Variants in SLC12A6 observed in about 807,000 individuals in gnomAD.
The protein encoded by SLC12A6 is K-Cl cotransporter 3.
Under a neutral mutation model 135.3 loss-of-function variants are expected in SLC12A6, and 66 were observed. That is an observed-to-expected ratio of 0.49 (90% confidence interval 0.40 to 0.60). The LOEUF (loss-of-function observed/expected upper bound fraction) is 0.60. Among genes scored for constraint, SLC12A6 ranks in the 20% least tolerant of loss-of-function variants. The pLI, the probability that SLC12A6 is intolerant of heterozygous loss-of-function variation, is 0.00. For synonymous variants in SLC12A6, 513 were observed against 508.8 expected (o/e 1.01, Z -0.11); for missense variants, 1,058 against 1,452.3 (o/e 0.73, Z 4.41).
intron 2 of SLC12A6, among the ~76,000 whole-genome samples, chr15:34,323,518 T>C (rs967699193): frequency 2.0e-5 from 3 of 152,214 alleles, no homozygotes; most frequent in Non-Finnish European, 2.9e-5. Context: ...GTGCTCCTTA[T>C]GAGAATCTAA....
chr15:34,307,887 C>A (rs1887844360), intron 2 of SLC12A6, among the ~76,000 whole-genome samples: 1 of 152,054 alleles, frequency 6.6e-6, no homozygotes, highest in South Asian at 2.1e-4. Flanking sequence ...TCTTCTGTCA[C>A]AAAAGGTTAC....
chr15:34,315,750 CT>C (rs894664423), intron 2 of SLC12A6, among the ~76,000 whole-genome samples: 6 of 152,088 alleles, frequency 3.9e-5, no homozygotes, highest in Non-Finnish European at 5.9e-5. Flanking sequence ...CTTTTGGAGA[CT>C]GAGGCGGGCG....
At chr15:34,317,359 A>G (rs1413979677) in intron 2 of SLC12A6, among the ~76,000 whole-genome samples, 1 of 152,236 alleles carries the variant, frequency 6.6e-6, no homozygotes, top group Non-Finnish European at 1.5e-5. Context: ...AGGAATTGCA[A>G]TGTGTTACAT....
In SLC12A6 at chr15:34,252,496, G is replaced by A. The variant is rs981369636; in HGVS notation, c.1119-112C>T. ...AACCCCATCTTTAAGAGCTTCTACTGTTATGGGTGGGAAAGGAACTAATGT... is the reference window on the plus strand; with the variant it reads ...AACCCCATCTTTAAGAGCTTCTACTATTATGGGTGGGAAAGGAACTAATGT... On this transcript the variant is annotated intron_variant, in intron 9 of 25. Coordinates refer to ENST00000354181, the MANE Select transcript of SLC12A6 (RefSeq NM_001365088.1). 176 of 686,802 alleles carry A rather than the reference G, an allele frequency of 2.6e-4. No individual in the cohort carries two copies. The East Asian group carries it at 4.4e-3, about 17-fold the overall frequency. The allele number at this position is 686,802 out of a possible 1,614,324, so 42.5% of individuals were successfully genotyped here.
intron 2 of SLC12A6, among the ~76,000 whole-genome samples, chr15:34,323,252 G>A (rs183862481): frequency 5.1e-4 from 76 of 149,568 alleles, no homozygotes; most frequent in African/African-American, 1.5e-3. Context: ...ACTAAAAACC[G>A]CTGAAACAGT....
chr15:34,290,952 C>T (rs1304755701), intron 2 of SLC12A6, among the ~76,000 whole-genome samples: 3 of 152,142 alleles, frequency 2.0e-5, no homozygotes, highest in Non-Finnish European at 4.4e-5. Context: ...CAGTCTGTGT[C>T]TTTTAATTGG....
chr15:34,316,638 A>T (rs1888670606), intron 2 of SLC12A6, among the ~76,000 whole-genome samples: 1 of 152,218 alleles, frequency 6.6e-6, no homozygotes, highest in African/African-American at 2.4e-5. Context: ...GTTAAAAGCA[A>T]TTACTATGGA....
chr15:34,246,482 CTA>C (rs1891998739), intron 13 of SLC12A6, among the ~76,000 whole-genome samples: 3 of 152,078 alleles, frequency 2.0e-5, no homozygotes, highest in Non-Finnish European at 2.9e-5. Flanking sequence ...AAGCATTTTT[CTA>C]TGTCATAAAA....
In SLC12A6 at chr15:34,229,807, T is replaced by C; in HGVS notation, c.*4074A>G. On this transcript the variant is annotated 3_prime_UTR_variant, in exon 26 of 26. Coordinates refer to ENST00000354181, the MANE Select transcript of SLC12A6 (RefSeq NM_001365088.1). ...TTTGTGAACATGAGAAAGCAGCGCC[T>C]GGTCCCTATGTATTTGGGTCTTATT... The C allele has an allele frequency of 6.2e-7, 1 of 1,612,334 alleles. No individual in the cohort carries two copies. The highest frequency in any genetic ancestry group is 8.5e-7 in the Non-Finnish European group (1 of 1,178,366).
At chr15:34,291,058 T>G (rs921575983) in intron 2 of SLC12A6, among the ~76,000 whole-genome samples, 2 of 152,228 alleles carry the variant, frequency 1.3e-5, no homozygotes, top group Non-Finnish European at 2.9e-5. Context: ...TGTTAATTGA[T>G]GTAGTTTCTT....
At position 34,318,742 on chromosome 15, in the gene SLC12A6, G is replaced by A. The variant is rs1014747652; in HGVS notation, c.271+17668C>T. ...AACTTCCTTCCAGTTAGTTTTCCCT[G>A]CCTACCTCTTCCTTGCTGTCGTTTC... On this transcript the variant is annotated intron_variant, in intron 2 of 25. Transcript: ENST00000354181. 2.5e-5 allele frequency: 40 copies of A among 1,607,598 alleles called. No individual in the cohort carries two copies. The African/African-American group carries it at 5.0e-4, about 20-fold the overall frequency.
At chr15:34,335,770 C>T (rs1444684592) in intron 2 of SLC12A6, among the ~76,000 whole-genome samples, 1 of 152,146 alleles carries the variant, frequency 6.6e-6, no homozygotes, top group East Asian at 1.9e-4. Flanking sequence ...TCAGACTTTC[C>T]ATCTAAAGCT....
chr15:34,313,891 A>G (rs967118240), intron 2 of SLC12A6, among the ~76,000 whole-genome samples: 2 of 151,348 alleles, frequency 1.3e-5, no homozygotes, highest in African/African-American at 4.9e-5. Context: ...CAATCACTTG[A>G]GCACAAGAGT....
Position 34,229,882 on chromosome 15 carries a change from C to A in SLC12A6, c.*3999G>T. On this transcript the variant is annotated 3_prime_UTR_variant, in exon 26 of 26. Transcript: ENST00000354181. The stretch of plus-strand genomic sequence containing the variant: ...CTCCTCAGCATACTCTTAAACTAAT[C>A]ACTTATGTTAAAAAGAACCAAAAGA... The A allele has an allele frequency of 8.4e-7, 1 of 1,193,294 alleles. No homozygotes were observed. Among genetic ancestry groups the A allele is most frequent in the Non-Finnish European group, 1.2e-6 (1 of 800,782 alleles). 73.9% of individuals were successfully genotyped at this position (1,193,294 alleles called of 1,614,324 possible).
In SLC12A6 at chr15:34,236,035, C is replaced by T. The variant is rs749992788; in HGVS notation, c.3207G>A (p.Gln1069=). ...GQKAKSMEGF[Q]DLLNMRPDQS... is the part of the protein sequence containing the mutation. Reference sequence around the variant, plus strand: ...CTTACGGACGCATGTTAAGCAGGTCCTGGAATCCTTCCATTGACTTCGCTT... The same window carrying T: ...CTTACGGACGCATGTTAAGCAGGTCTTGGAATCCTTCCATTGACTTCGCTT... The change falls in exon 24 of 26, where the codon CAG becomes CAA. Residue 1069 remains glutamine (Q), a synonymous_variant. Coordinates refer to ENST00000354181, the MANE Select transcript of SLC12A6 (RefSeq NM_001365088.1). 4 of 1,614,004 alleles carry T rather than the reference C, an allele frequency of 2.5e-6. No homozygotes were observed. Among genetic ancestry groups the T allele is most frequent in the Non-Finnish European group, 3.4e-6 (4 of 1,179,886 alleles).
At chr15:34,312,107 G>A (rs1389421099) in intron 2 of SLC12A6, among the ~76,000 whole-genome samples, 3 of 152,172 alleles carry the variant, frequency 2.0e-5, no homozygotes, top group Non-Finnish European at 4.4e-5. Flanking sequence ...GTTATTCTCT[G>A]TTTTATCAGT....
chr15:34,285,799 G>C (rs1259489169), intron 2 of SLC12A6, among the ~76,000 whole-genome samples: 1 of 150,252 alleles, frequency 6.7e-6, no homozygotes, highest in Non-Finnish European at 1.5e-5. Context: ...AATCTTGACA[G>C]CAATACACTA....
At chr15:34,286,527 G>C (rs1433503931) in intron 2 of SLC12A6, among the ~76,000 whole-genome samples, 1 of 151,820 alleles carries the variant, frequency 6.6e-6, no homozygotes, top group African/African-American at 2.4e-5. Flanking sequence ...GGGCACAGTG[G>C]CTCACGCCTG....
intron 2 of SLC12A6, among the ~76,000 whole-genome samples, chr15:34,314,092 G>A (rs111893354): frequency 0.03 from 4,322 of 144,954 alleles, 229 homozygotes; most frequent in African/African-American, 0.11. Context: ...CTGTTGCTTA[G>A]GCTGGAGTGC....
Sources: gnomAD v4.1 joint callset for allele counts (sites outside exome capture counted in the v4.1 genomes callset) on GRCh38, gnomAD v4.1.1 for gene constraint, MANE v1.5 for transcripts, NCBI Gene and HGNC (gene_info 2026-07-23, HGNC 2026-07-21) for gene names.